Variants in RTN1 observed in about 807,000 individuals in gnomAD.
The protein encoded by RTN1 is reticulon 1, also known as reticulon-1.
In RTN1, 25 loss-of-function variants were observed where a neutral mutation model predicts 65.5. The ratio of observed to expected loss-of-function variants is 0.38; its 90% confidence interval spans 0.28 to 0.53. RTN1 has a LOEUF of 0.53. Ranked by LOEUF, RTN1 falls within the 20% of genes least tolerant of loss-of-function variation. RTN1 has a pLI of 0.79. For synonymous variants in RTN1, 471 were observed against 447.6 expected, an observed-to-expected ratio of 1.05 and a Z score of -0.66; for missense variants, 983 against 1,025.4, an observed-to-expected ratio of 0.96 and a Z score of 0.57.
At chr14:59,832,308 C>T (rs968737057) in intron 1 of RTN1, among the ~76,000 whole-genome samples, 3 of 152,090 alleles carry the variant, frequency 2.0e-5, no homozygotes, top group African/African-American at 2.4e-5. Context: ...AAGTTCCCTA[C>T]ATCTTTTTTT....
At chr14:59,797,828 G>T (rs1353792943) in intron 1 of RTN1, among the ~76,000 whole-genome samples, 1 of 152,126 alleles carries the variant, frequency 6.6e-6, no homozygotes, top group Non-Finnish European at 1.5e-5. Flanking sequence ...TGTTTATAGT[G>T]TTTGAAAGGC....
Position 59,742,823 on chromosome 14 carries a change from T to C in RTN1, c.1015+2885A>G, listed in dbSNP as rs568767265. 5.9e-5 allele frequency among the ~76,000 whole-genome samples: 9 copies of C among 152,312 alleles called. No homozygotes were observed. The South Asian group carries it at 1.9e-3, about 32-fold the overall frequency. On this transcript the variant is annotated intron_variant, in intron 2 of 8. Coordinates refer to ENST00000267484, the MANE Select transcript of RTN1 (RefSeq NM_021136.3). ...CCAAGACTCAACAGATGTAATAAAG[T>C]CCATATCCTCTACTGTCTATGGGCA...
intron 3 of RTN1, among the ~76,000 whole-genome samples, chr14:59,654,994 T>C (rs1462801871): frequency 1.3e-5 from 2 of 152,134 alleles, no homozygotes; most frequent in East Asian, 1.9e-4. Flanking sequence ...ATGAAAGCCA[T>C]TGACATTGAA....
At chr14:59,600,337 A>C (rs1201122868) in intron 8 of RTN1, among the ~76,000 whole-genome samples, 1 of 152,182 alleles carries the variant, frequency 6.6e-6, no homozygotes, top group Non-Finnish European at 1.5e-5. Context: ...CTTTACAGAC[A>C]TTACCTCATT....
intron 2 of RTN1, among the ~76,000 whole-genome samples, chr14:59,744,226 G>C (rs1885171062): frequency 6.6e-6 from 1 of 152,182 alleles, no homozygotes; most frequent in African/African-American, 2.4e-5. Context: ...CATTTTCAGA[G>C]TTTACTAGAA....
intron 1 of RTN1, among the ~76,000 whole-genome samples, chr14:59,795,722 A>G (rs1371022760): frequency 6.6e-6 from 1 of 152,186 alleles, no homozygotes; most frequent in African/African-American, 2.4e-5. Flanking sequence ...CTTGACATTG[A>G]TATTTGGTAC....
In RTN1 at chr14:59,809,588, G is replaced by A. The variant is rs60669266; in HGVS notation, c.241+60802C>T. Among the ~76,000 whole-genome samples the A allele has an allele frequency of 2.8e-3, 432 of 152,204 alleles. 3 individuals are homozygous for A. Among genetic ancestry groups the A allele is most frequent in the African/African-American group, 0.01 (422 of 41,526 alleles). ...AGTGAAATATAAAGGTAAATAGAAG[G>A]CTAATTAATCTGCTAACTGTCTTTC... is the stretch of plus-strand genomic sequence containing the variant. On this transcript the variant is annotated intron_variant, in intron 1 of 8. Transcript: ENST00000267484.
Position 59,827,796 on chromosome 14 carries a change from C to T in RTN1, c.241+42594G>A, listed in dbSNP as rs182348934. Among the ~76,000 whole-genome samples, 3 of 152,310 alleles carry T rather than the reference C, an allele frequency of 2.0e-5. No homozygotes were observed. The East Asian group carries it at 5.8e-4, about 29-fold the overall frequency. Reference sequence around the variant, plus strand: ...TGACACCAGATGATATTCTTATCTACCCTTTGTAGTCAAACTCTCCTATTT... The same window carrying T: ...TGACACCAGATGATATTCTTATCTATCCTTTGTAGTCAAACTCTCCTATTT... On this transcript the variant is annotated intron_variant, in intron 1 of 8. Transcript: ENST00000267484.
chr14:59,776,919 T>C (rs1886062308), intron 1 of RTN1, among the ~76,000 whole-genome samples: 1 of 152,210 alleles, frequency 6.6e-6, no homozygotes, highest in Non-Finnish European at 1.5e-5. Context: ...TGAGATTAAT[T>C]GGTACTCTGA....
chr14:59,758,748 C>T (rs1176242755), intron 1 of RTN1, among the ~76,000 whole-genome samples: 1 of 152,208 alleles, frequency 6.6e-6, no homozygotes, highest in Non-Finnish European at 1.5e-5. Flanking sequence ...TATCTTTGCA[C>T]AGTCTGTGCA....
intron 1 of RTN1, among the ~76,000 whole-genome samples, chr14:59,800,652 A>G (rs1191860699): frequency 1.3e-5 from 2 of 152,068 alleles, no homozygotes; most frequent in African/African-American, 4.8e-5. Flanking sequence ...TGCCCACCTC[A>G]GCCTCCCAAA....
chr14:59,852,062 T>G (rs937960097), intron 1 of RTN1, among the ~76,000 whole-genome samples: 1 of 152,152 alleles, frequency 6.6e-6, no homozygotes, highest in Non-Finnish European at 1.5e-5. Flanking sequence ...TCACAGAAGT[T>G]CAATTCTGGT....
intron 1 of RTN1, among the ~76,000 whole-genome samples, chr14:59,819,168 G>GT (rs1234839214): frequency 6.6e-6 from 1 of 152,104 alleles, no homozygotes; most frequent in Non-Finnish European, 1.5e-5. Flanking sequence ...CCTTCACAGT[G>GT]TGTGTTATAG....
At chr14:59,748,221 T>TTTTG (rs2139512459) in intron 1 of RTN1, among the ~76,000 whole-genome samples, 1 of 151,582 alleles carries the variant, frequency 6.6e-6, no homozygotes, top group African/African-American at 2.4e-5. Context: ...TTTTTTTTTT[T>TTTTG]TTTTTTTCCG....
chr14:59,661,048 A>C (rs913599825), intron 3 of RTN1, among the ~76,000 whole-genome samples: 3 of 152,050 alleles, frequency 2.0e-5, no homozygotes, highest in Non-Finnish European at 4.4e-5. Flanking sequence ...AAAAATGATA[A>C]AGGGTAGGTC....
In RTN1 at chr14:59,803,598, A is replaced by G. The variant is rs1298199692; in HGVS notation, c.242-57117T>C. On this transcript the variant is annotated intron_variant, in intron 1 of 8. Coordinates refer to ENST00000267484, the MANE Select transcript of RTN1 (RefSeq NM_021136.3). The surrounding 1 kb of genome is among the most constrained non-coding windows in gnomAD (Gnocchi z 5.6). ...CCTACCTGGGAAATCAGCATCATTT[A>G]CTGCCTCAGAGAAGACAAGAGGTAA... Among the ~76,000 whole-genome samples the G allele has an allele frequency of 6.6e-6, 1 of 152,180 alleles. No individual in the cohort carries two copies. The highest frequency in any genetic ancestry group is 1.5e-5 in the Non-Finnish European group (1 of 68,042).
intron 3 of RTN1, among the ~76,000 whole-genome samples, chr14:59,699,713 A>G (rs555171779): frequency 6.6e-6 from 1 of 152,318 alleles, no homozygotes; most frequent in East Asian, 1.9e-4. Context: ...AAAGGAAACT[A>G]AAATTTCAAG....
chr14:59,599,128 C>T (rs1032102000), intron 8 of RTN1, among the ~76,000 whole-genome samples: 1 of 152,176 alleles, frequency 6.6e-6, no homozygotes, highest in African/African-American at 2.4e-5. Flanking sequence ...TCACATTTGG[C>T]TGTGACCAAT....
At chr14:59,740,201 A>G (rs1885089092) in intron 2 of RTN1, among the ~76,000 whole-genome samples, 1 of 152,226 alleles carries the variant, frequency 6.6e-6, no homozygotes, top group Non-Finnish European at 1.5e-5. Context: ...CACCCAGCAC[A>G]GTGCCTGGCA....
Sources: gnomAD v4.1 joint callset for allele counts (sites outside exome capture counted in the v4.1 genomes callset) on GRCh38, gnomAD v4.1.1 for gene constraint, Gnocchi (gnomAD v3.1) non-coding constraint, MANE v1.5 for transcripts, NCBI Gene and HGNC (gene_info 2026-07-23, HGNC 2026-07-21) for gene names.